The following ADGRB3 variants were observed in gnomAD, a reference collection of about 807,000 sequenced individuals.
ADGRB3 encodes the protein adhesion G protein-coupled receptor B3, also known as brain-specific angiogenesis inhibitor 3.
A neutral mutation model predicts 193.4 loss-of-function variants in ADGRB3; 37 were observed. The observed-to-expected ratio is 0.19, with a 90% CI of 0.15 to 0.25. The LOEUF (loss-of-function observed/expected upper bound fraction) is 0.25, where lower values mean the gene tolerates loss of function less well. ADGRB3 is among the 10% of genes least tolerant of loss of function. ADGRB3 has a pLI of 1.00. For missense variants in ADGRB3, 1,637 were observed against 1,852.9 expected, an observed-to-expected ratio of 0.88 and a Z score of 2.14; for synonymous variants, 690 against 644.2, an observed-to-expected ratio of 1.07 and a Z score of -1.08.
intron 20 of ADGRB3, among the ~76,000 whole-genome samples, chr6:69,280,216 AG>A (rs1767406820): frequency 6.6e-6 from 1 of 152,228 alleles, no homozygotes. Flanking sequence ...GGCCTGTGGA[AG>A]TCAGTGGACA....
chr6:68,663,431 G>A (rs189792526), intron 3 of ADGRB3, among the ~76,000 whole-genome samples: 154 of 151,370 alleles, frequency 1.0e-3, no homozygotes, highest in African/African-American at 3.6e-3. Context: ...ATTATTTTTG[G>A]AGTTTTAAAC....
At chr6:69,010,790 A>C (rs1416298081) in intron 11 of ADGRB3, among the ~76,000 whole-genome samples, 1 of 134,884 alleles carries the variant, frequency 7.4e-6, no homozygotes, top group Non-Finnish European at 1.6e-5. Context: ...AAAAAAAAAA[A>C]TCAAAAAACA....
intron 28 of ADGRB3, among the ~76,000 whole-genome samples, chr6:69,359,599 G>A (rs1044701613): frequency 6.6e-6 from 1 of 151,726 alleles, no homozygotes; most frequent in Non-Finnish European, 1.5e-5. Flanking sequence ...ATGTAACAGG[G>A]AAAGACATAA....
At chr6:68,947,747 T>C (rs945622974) in intron 6 of ADGRB3, among the ~76,000 whole-genome samples, 9 of 152,148 alleles carry the variant, frequency 5.9e-5, no homozygotes, top group African/African-American at 2.2e-4. Context: ...GTAATGCTAT[T>C]GTAATACTAT....
intron 17 of ADGRB3, among the ~76,000 whole-genome samples, chr6:69,084,931 T>C (rs902643156): frequency 6.6e-6 from 1 of 152,122 alleles, no homozygotes; most frequent in Non-Finnish European, 1.5e-5. Context: ...TTGTTTGGTA[T>C]GCATGAGTGG....
At chr6:69,133,144 T>G (rs1774059235) in intron 17 of ADGRB3, among the ~76,000 whole-genome samples, 1 of 152,178 alleles carries the variant, frequency 6.6e-6, no homozygotes, top group Non-Finnish European at 1.5e-5. Flanking sequence ...TTAAAGTAGT[T>G]TTTCTAATTC....
chr6:68,866,164 A>C (rs931669650), intron 3 of ADGRB3, among the ~76,000 whole-genome samples: 8 of 152,148 alleles, frequency 5.3e-5, no homozygotes, highest in African/African-American at 1.9e-4. Flanking sequence ...GTCCCCACCC[A>C]AATCTCATGT....
chr6:68,823,518 T>C (rs542381797), intron 3 of ADGRB3, among the ~76,000 whole-genome samples: 37 of 152,150 alleles, frequency 2.4e-4, no homozygotes, highest in African/African-American at 8.4e-4. Context: ...TTTATTTCCT[T>C]CATGTTTCAG....
chr6:68,994,042 C>G (rs1049215475), intron 11 of ADGRB3, 80 bp downstream of exon 11: 3 of 1,383,194 alleles, frequency 2.2e-6, no homozygotes, highest in South Asian at 2.6e-5. Flanking sequence ...GTGCAGCCGT[C>G]TTGGAGGCGG....
intron 22 of ADGRB3, among the ~76,000 whole-genome samples, chr6:69,329,430 A>G (rs77008179): frequency 0.02 from 3,028 of 152,278 alleles, 107 homozygotes; most frequent in African/African-American, 0.068. Context: ...ATATATAATT[A>G]CCTTACATAC....
intron 15 of ADGRB3, among the ~76,000 whole-genome samples, chr6:69,058,587 A>C (rs1210826702): frequency 6.6e-6 from 1 of 151,804 alleles, no homozygotes; most frequent in African/African-American, 2.4e-5. Context: ...TACTGCTATA[A>C]ACTTCCCTCT....
chr6:68,989,871 AG>A (rs942226355), intron 10 of ADGRB3, among the ~76,000 whole-genome samples: 1 of 152,158 alleles, frequency 6.6e-6, no homozygotes, highest in Non-Finnish European at 1.5e-5. Context: ...GAAGAGAACC[AG>A]GGAGAAAACA....
chr6:69,176,332 A>G (rs1351376883), intron 17 of ADGRB3, among the ~76,000 whole-genome samples: 1 of 152,122 alleles, frequency 6.6e-6, no homozygotes, highest in Admixed American at 6.5e-5. Context: ...GTTTCTTCAG[A>G]GCTTTGATCA....
chr6:68,949,028 T>C (rs1410365013), intron 6 of ADGRB3, among the ~76,000 whole-genome samples: 2 of 152,134 alleles, frequency 1.3e-5, no homozygotes, highest in Non-Finnish European at 2.9e-5. Context: ...TATTACAGGA[T>C]TGACATATTA....
chr6:68,654,178 C>CT (rs893112127), intron 3 of ADGRB3, among the ~76,000 whole-genome samples: 53 of 152,074 alleles, frequency 3.5e-4, no homozygotes, highest in Non-Finnish European at 2.2e-4. Flanking sequence ...AGTAGGTGGG[C>CT]TTTTGTCACA....
At chr6:69,035,003 G>A (rs1770826282) in intron 13 of ADGRB3, among the ~76,000 whole-genome samples, 1 of 151,760 alleles carries the variant, frequency 6.6e-6, no homozygotes, top group South Asian at 2.1e-4. Context: ...GCTTCATATG[G>A]GAAAGACATG....
intron 3 of ADGRB3, among the ~76,000 whole-genome samples, chr6:68,685,197 G>C (rs1213774254): frequency 1.3e-5 from 2 of 151,850 alleles, no homozygotes; most frequent in East Asian, 3.9e-4. Context: ...ATAAAATTAA[G>C]AATTTAAATA....
At chr6:68,786,279 G>A (rs1766967633) in intron 3 of ADGRB3, among the ~76,000 whole-genome samples, 1 of 152,050 alleles carries the variant, frequency 6.6e-6, no homozygotes, top group African/African-American at 2.4e-5. Flanking sequence ...GGGTTTTTAT[G>A]GTTTGAGGTC....
At chr6:69,199,589 A>T (rs1304936611) in intron 17 of ADGRB3, among the ~76,000 whole-genome samples, 1 of 152,096 alleles carries the variant, frequency 6.6e-6, no homozygotes, top group Non-Finnish European at 1.5e-5. Flanking sequence ...TTAAGTTGGG[A>T]TTAGCCACTT....
Sources: allele counts gnomAD v4.1 joint callset (sites outside exome capture counted in the v4.1 genomes callset), GRCh38; gene constraint gnomAD v4.1.1; transcripts MANE v1.5; gene names NCBI Gene and HGNC (gene_info 2026-07-23, HGNC 2026-07-21).